The following SCHIP1 variants were observed in gnomAD, a reference collection of about 807,000 sequenced individuals.
SCHIP1 encodes the protein schwannomin-interacting protein 1.
SCHIP1 carries 8 observed loss-of-function variants against 29.7 expected under a neutral mutation model. The observed-to-expected ratio is 0.27, with a 90% CI of 0.16 to 0.49. SCHIP1 has a LOEUF of 0.49. Ranked by LOEUF, SCHIP1 falls within the 20% of genes least tolerant of loss-of-function variation. The pLI, the probability that SCHIP1 is intolerant of heterozygous loss-of-function variation, is 0.99. For synonymous variants in SCHIP1, 76 were observed against 94.9 expected (o/e 0.80, Z 1.16); for missense variants, 193 against 294.6 (o/e 0.66, Z 2.52).
the SCHIP1 span, among the ~76,000 whole-genome samples, chr3:159,437,485 C>T: frequency 2.4e-4 from 37 of 152,102 alleles, no homozygotes; most frequent in Non-Finnish European, 1.2e-4. Flanking sequence ...TCATTCTTGA[C>T]TCTGAGGTCT....
chr3:159,655,357 C>A, the SCHIP1 span, among the ~76,000 whole-genome samples: 2 of 151,928 alleles, frequency 1.3e-5, no homozygotes, highest in South Asian at 4.2e-4. Flanking sequence ...CTGAAGCATG[C>A]GACAATGGTA....
the SCHIP1 span, among the ~76,000 whole-genome samples, chr3:159,726,925 T>C: frequency 6.6e-6 from 1 of 152,214 alleles, no homozygotes; most frequent in Non-Finnish European, 1.5e-5. Context: ...TCACTTTATT[T>C]TTTGCATTTA....
At chr3:159,558,068 G>T in the SCHIP1 span, among the ~76,000 whole-genome samples, 2 of 152,170 alleles carry the variant, frequency 1.3e-5, no homozygotes, top group East Asian at 3.9e-4. Context: ...CTCATTGTAA[G>T]CTCTGAATCT....
the SCHIP1 span, among the ~76,000 whole-genome samples, chr3:159,795,268 A>G: frequency 2.6e-5 from 4 of 152,178 alleles, no homozygotes; most frequent in Non-Finnish European, 5.9e-5. Flanking sequence ...CCTATTTCCT[A>G]GTAGGGAAGA....
At chr3:159,833,951 C>T in the SCHIP1 span, among the ~76,000 whole-genome samples, 1 of 152,130 alleles carries the variant, frequency 6.6e-6, no homozygotes, top group African/African-American at 2.4e-5. Flanking sequence ...TTTTTGGTGT[C>T]TTGGGATGCA....
At chr3:159,670,122 C>A in the SCHIP1 span, among the ~76,000 whole-genome samples, 10 of 152,284 alleles carry the variant, frequency 6.6e-5, no homozygotes, top group Admixed American at 2.0e-4. Flanking sequence ...TGAAAAGGGA[C>A]TTTATGTTCT....
At chr3:159,728,632 C>G in the SCHIP1 span, among the ~76,000 whole-genome samples, 4 of 152,184 alleles carry the variant, frequency 2.6e-5, no homozygotes, top group Non-Finnish European at 4.4e-5. Flanking sequence ...GATGGGTTAC[C>G]TGCAGTGGTC....
At chr3:159,458,141 A>C in the SCHIP1 span, among the ~76,000 whole-genome samples, 8 of 152,232 alleles carry the variant, frequency 5.3e-5, no homozygotes. Context: ...AACTTTAAAC[A>C]TAATTGTAAT....
At chr3:159,715,253 C>G in the SCHIP1 span, among the ~76,000 whole-genome samples, 1 of 152,200 alleles carries the variant, frequency 6.6e-6, no homozygotes, top group Non-Finnish European at 1.5e-5. Flanking sequence ...ACATCACCAT[C>G]ATCAAAGACC....
At chr3:159,493,020 G>C in the SCHIP1 span, among the ~76,000 whole-genome samples, 7 of 152,172 alleles carry the variant, frequency 4.6e-5, no homozygotes, top group African/African-American at 1.7e-4. Context: ...AAGTGAAGGA[G>C]AAATAAAATA....
At chr3:159,685,709 T>C in the SCHIP1 span, among the ~76,000 whole-genome samples, 1 of 152,170 alleles carries the variant, frequency 6.6e-6, no homozygotes, top group Non-Finnish European at 1.5e-5. Flanking sequence ...AGAACACCTT[T>C]TTTTTCCTAC....
chr3:159,750,267 A>ATATATATATATATTGTGTGTGTG, the SCHIP1 span, among the ~76,000 whole-genome samples: 2 of 9,288 alleles, frequency 2.2e-4, no homozygotes, highest in East Asian at 1.3e-3. Flanking sequence ...GTGTGTGTAT[A>ATATATATATATATTGTGTGTGTG]TATATATATA....
At chr3:159,637,371 C>CCACACACACACACACA in the SCHIP1 span, among the ~76,000 whole-genome samples, 40 of 134,656 alleles carry the variant, frequency 3.0e-4, no homozygotes, top group African/African-American at 9.1e-4. Context: ...CCGGCCCCAG[C>CCACACACACACACACA]CACACACACA....
At chr3:159,422,116 C>T in the SCHIP1 span, among the ~76,000 whole-genome samples, 1 of 152,098 alleles carries the variant, frequency 6.6e-6, no homozygotes, top group Non-Finnish European at 1.5e-5. Context: ...TAAGGGAAAA[C>T]ATTCTGTAGA....
At chr3:159,572,151 T>G in the SCHIP1 span, among the ~76,000 whole-genome samples, 1 of 152,220 alleles carries the variant, frequency 6.6e-6, no homozygotes, top group Non-Finnish European at 1.5e-5. Flanking sequence ...CTTAGTTATT[T>G]CTTGCCTTCT....
At chr3:159,732,455 A>G in the SCHIP1 span, among the ~76,000 whole-genome samples, 1 of 152,186 alleles carries the variant, frequency 6.6e-6, no homozygotes, top group East Asian at 1.9e-4. Flanking sequence ...GCCCTCTATA[A>G]TCGTTCTCAT....
At chr3:159,626,479 A>T in the SCHIP1 span, among the ~76,000 whole-genome samples, 3 of 151,850 alleles carry the variant, frequency 2.0e-5, no homozygotes, top group Non-Finnish European at 1.5e-5. Context: ...ATCAGACATG[A>T]TGTCACCAGT....
chr3:159,276,624 T>C, the SCHIP1 span, among the ~76,000 whole-genome samples: 2 of 152,212 alleles, frequency 1.3e-5, no homozygotes, highest in Non-Finnish European at 2.9e-5. Context: ...ACCTGACTGA[T>C]TTGAGATTTA....
chr3:159,575,578 G>T, the SCHIP1 span, among the ~76,000 whole-genome samples: 1 of 152,042 alleles, frequency 6.6e-6, no homozygotes, highest in Non-Finnish European at 1.5e-5. Context: ...TGGGACTACC[G>T]GTGTATGTCA....
Sources: gnomAD v4.1 joint callset for allele counts (sites outside exome capture counted in the v4.1 genomes callset) on GRCh38, gnomAD v4.1.1 for gene constraint, MANE v1.5 for transcripts, NCBI Gene and HGNC (gene_info 2026-07-23, HGNC 2026-07-21) for gene names.